RYR1: variants seen among roughly 807,000 people sequenced by gnomAD.
The protein encoded by RYR1 is central core disease of muscle.
A neutral mutation model predicts 583.5 loss-of-function variants in RYR1; 342 were observed. The ratio of observed to expected loss-of-function variants is 0.59; its 90% CI spans 0.54 to 0.64. The LOEUF (loss-of-function observed/expected upper bound fraction) is 0.64, where lower values mean the gene tolerates loss of function less well. RYR1 is among the 30% of genes least tolerant of loss of function. The probability of loss-of-function intolerance (pLI) is 0.00; values close to 1 mark genes in which losing one functional copy is unlikely to be tolerated. For synonymous variants in RYR1, 2,791 were observed against 2,822.5 expected (o/e 0.99, Z 0.35); for missense variants, 6,032 against 6,917.2 (o/e 0.87, Z 4.54).
chr19:38,481,470 C>T (rs542830213), intron 31 of RYR1, among the ~76,000 whole-genome samples: 41 of 152,262 alleles, frequency 2.7e-4, no homozygotes, highest in African/African-American at 8.7e-4. Context: ...TAGGTGGTTG[C>T]TCTGTACCTT....
At chr19:38,494,686 A>T in intron 39 of RYR1, 61 bp downstream of exon 39, 1 of 1,596,012 alleles carries the variant, frequency 6.3e-7, no homozygotes, top group Admixed American at 1.7e-5. Flanking sequence ...TACCCTCAGG[A>T]TACAATAACA....
rs753726014 is a variant in RYR1, at chr19:38,525,361, G to A, written c.10485G>A (p.Lys3495=). ...QSGGSDQERT[K]KKRRGDRYSV... is the part of the protein sequence containing the mutation. ...GTGGCTCGGACCAGGAACGCACCAA[G>A]AAGAAGCGCCGGGGGGACCGGTACT... is the stretch of plus-strand genomic sequence containing the variant. The change falls in exon 71 of 106, where the codon AAG becomes AAA. Residue 3495 remains lysine, a synonymous_variant. Transcript: ENST00000359596. 1.2e-6 allele frequency: 2 copies of A among 1,605,806 alleles called. No individual in the cohort carries two copies. The highest frequency in any genetic ancestry group is 1.7e-6 in the Non-Finnish European group (2 of 1,176,456).
intron 92 of RYR1, among the ~76,000 whole-genome samples, chr19:38,567,439 G>A (rs1164668003): frequency 1.3e-5 from 2 of 152,216 alleles, no homozygotes; most frequent in African/African-American, 4.8e-5. Flanking sequence ...CCTACTCTGA[G>A]TCTTTCTCAT....
chr19:38,510,728 A>G lies in RYR1; in HGVS notation c.9069A>G (p.Lys3023=). ...HCLYFLSTPA[K]VLGSGGHASN... ...TCTATTTCTTGTCCACTCCGGCTAAAGTGCTGGGCAGCGGTGGCCACGCCT... is the reference window on the plus strand; with the variant it reads ...TCTATTTCTTGTCCACTCCGGCTAAGGTGCTGGGCAGCGGTGGCCACGCCT... The change falls in exon 60 of 106, where the codon AAA becomes AAG. Residue 3023 remains lysine, a synonymous_variant. Coordinates refer to ENST00000359596, the MANE Select transcript of RYR1 (RefSeq NM_000540.3). The G allele has an allele frequency of 6.2e-7, 1 of 1,614,198 alleles. No homozygotes were observed.
chr19:38,433,868 G>A lies in RYR1; in HGVS notation c.39G>A (p.Leu13=). 6.2e-7 allele frequency: 1 copy of A among 1,613,260 alleles called. No individual in the cohort carries two copies. The highest frequency in any genetic ancestry group is 8.5e-7 in the Non-Finnish European group (1 of 1,179,668). Residue 13 remains leucine (L), a synonymous_variant, in exon 1 of 106, where the codon CTG becomes CTA. Coordinates refer to ENST00000359596, the MANE Select transcript of RYR1 (RefSeq NM_000540.3). ...AAGGCGAAGACGAGGTCCAGTTCCT[G>A]CGGACGGTGCGTATCTCTGGGTTAG... ...DAEGEDEVQF[L]RTDDEVVLQC...
intron 96 of RYR1, among the ~76,000 whole-genome samples, chr19:38,574,272 A>AC (rs966962602): frequency 1.1e-4 from 16 of 150,104 alleles, no homozygotes; most frequent in African/African-American, 4.0e-4. Flanking sequence ...AAAAAAAAAA[A>AC]AAAGGAAAAG....
At chr19:38,529,145 C>T (rs2145725511) in intron 76 of RYR1, 88 bp downstream of exon 76, 1 of 1,319,230 alleles carries the variant, frequency 7.6e-7, no homozygotes, top group Non-Finnish European at 1.1e-6. Flanking sequence ...TCAGGAGAGG[C>T]CCTCCAGGTC....
At chr19:38,453,863 C>A (rs1479754960) in intron 13 of RYR1, among the ~76,000 whole-genome samples, 2 of 151,900 alleles carry the variant, frequency 1.3e-5, no homozygotes, top group Non-Finnish European at 2.9e-5. Context: ...GAGGGCCAGG[C>A]CTTGGTGAGG....
intron 101 of RYR1, among the ~76,000 whole-genome samples, chr19:38,584,313 C>T (rs1215896643): frequency 6.8e-5 from 8 of 117,042 alleles, no homozygotes; most frequent in African/African-American, 1.3e-4. Context: ...CCACCCATCC[C>T]GGCCCTCATC....
At chr19:38,517,289 G>A (rs747734107) in intron 65 of RYR1, 70 bp from the exon 66 acceptor site, 201 of 1,493,074 alleles carry the variant, frequency 1.3e-4, no homozygotes, top group Non-Finnish European at 1.6e-4. Context: ...GATGTATTGC[G>A]GGGGAGGCCA....
chr19:38,437,115 A>AGTGT (rs1372694134), intron 1 of RYR1, among the ~76,000 whole-genome samples: 1 of 151,610 alleles, frequency 6.6e-6, no homozygotes, highest in Non-Finnish European at 1.5e-5. Context: ...CAATGGCACA[A>AGTGT]TCTCGGCTCA....
intron 94 of RYR1, among the ~76,000 whole-genome samples, chr19:38,571,673 CAGTT>C (rs1187650042): frequency 6.6e-6 from 1 of 152,130 alleles, no homozygotes; most frequent in African/African-American, 2.4e-5. Flanking sequence ...GTGTGTAAGG[CAGTT>C]AGAGCAACAG....
chr19:38,516,255 A>C (rs774982545), intron 65 of RYR1, 38 bp downstream of exon 65: 1 of 1,571,044 alleles, frequency 6.4e-7, no homozygotes, highest in Non-Finnish European at 8.6e-7. Flanking sequence ...TGGGAGTCCA[A>C]ATCTCCCCAG....
chr19:38,503,552 C>A (rs906543395), intron 49 of RYR1, among the ~76,000 whole-genome samples: 4 of 152,082 alleles, frequency 2.6e-5, no homozygotes, highest in Non-Finnish European at 1.5e-5. Flanking sequence ...GTGGGCAGAT[C>A]ACTTGAGGTC....
Position 38,492,209 on chromosome 19 carries a change from T to C in RYR1, c.6128-281T>C, listed in dbSNP as rs75917973. ...AGACCCCCATCTCTACAGAAAAAGATACAAAATTAACAGGGCATGGTGGCA... is the reference window on the plus strand; with the variant it reads ...AGACCCCCATCTCTACAGAAAAAGACACAAAATTAACAGGGCATGGTGGCA... On this transcript the variant is annotated intron_variant, in intron 37 of 105. Transcript: ENST00000359596. Among the ~76,000 whole-genome samples, 11,280 of 151,710 alleles carry C rather than the reference T, an allele frequency of 0.074. 551 individuals carry two copies. Among genetic ancestry groups the C allele is most frequent in the South Asian group, 0.19 (888 of 4,786 alleles).
In RYR1 at chr19:38,473,483, G is replaced by C. The variant is rs1445902228; in HGVS notation, c.3872G>C (p.Ser1291Thr). Residue 1291 changes from serine (S) to threonine (T), a missense_variant, in exon 28 of 106, where the codon AGC (serine) becomes ACC (threonine). By Grantham distance (58) the Ser-to-Thr change is moderately conservative. Transcript: ENST00000359596. ...SLVEMLFLRL[S>T]LPVQFHQHFR... ...GTGGAGATGCTTTTCCTGCGGCTGAGCCTCCCAGTCCAGTTCCACCAGCAC... is the reference window on the plus strand; with the variant it reads ...GTGGAGATGCTTTTCCTGCGGCTGACCCTCCCAGTCCAGTTCCACCAGCAC... 6.2e-7 allele frequency: 1 copy of C among 1,613,800 alleles called. No homozygotes were observed. The highest frequency in any genetic ancestry group is 8.5e-7 in the Non-Finnish European group (1 of 1,179,906).
At chr19:38,493,870 A>G (rs1969675366) in intron 38 of RYR1, among the ~76,000 whole-genome samples, 1 of 152,118 alleles carries the variant, frequency 6.6e-6, no homozygotes, top group Admixed American at 6.6e-5. Flanking sequence ...TGTGCCTTCA[A>G]AGGTGCATGG....
At chr19:38,441,592 G>T (rs1421105692) in intron 2 of RYR1, among the ~76,000 whole-genome samples, 1 of 151,580 alleles carries the variant, frequency 6.6e-6, no homozygotes, top group Non-Finnish European at 1.5e-5. Flanking sequence ...TGGATCCAAG[G>T]CAAAGGGGCC....
chr19:38,515,521 G>A (rs965378153), intron 64 of RYR1, among the ~76,000 whole-genome samples: 1 of 152,202 alleles, frequency 6.6e-6, no homozygotes, highest in African/African-American at 2.4e-5. Context: ...GACACCAGCG[G>A]TGCGCGGTGG....
Sources: gnomAD v4.1 joint callset for allele counts (sites outside exome capture counted in the v4.1 genomes callset) on GRCh38, gnomAD v4.1.1 for gene constraint, MANE v1.5 for transcripts, NCBI Gene and HGNC (gene_info 2026-07-23, HGNC 2026-07-21) for gene names.